The following XCR1 variants were observed in gnomAD, a reference collection of about 807,000 sequenced individuals.
XCR1 encodes chemokine XC receptor 1.
For missense variants in XCR1, 356 were observed against 424.2 expected (o/e 0.84, Z 1.41); for synonymous variants, 187 against 188.5 (o/e 0.99, Z 0.06).
At chr3:46,066,405 C>T (rs1435108247) in intron 4 of XCR1, among the ~76,000 whole-genome samples, 9 of 152,152 alleles carry the variant, frequency 5.9e-5, no homozygotes, top group African/African-American at 1.9e-4. Context: ...CCACCACGCC[C>T]GGCTAATTTT....
intron 5 of XCR1, among the ~76,000 whole-genome samples, chr3:46,039,035 T>C (rs758930283): frequency 6.6e-6 from 1 of 152,198 alleles, no homozygotes; most frequent in Non-Finnish European, 1.5e-5. Context: ...CATTTATCAC[T>C]GATGGGTCCT....
chr3:46,070,335 T>C (rs1698144624), intron 3 of XCR1, among the ~76,000 whole-genome samples: 1 of 152,138 alleles, frequency 6.6e-6, no homozygotes, highest in Admixed American at 6.5e-5. Context: ...AATGTTTCTT[T>C]GTTAATTTTC....
At chr3:46,068,627 T>A (rs1698115448) in intron 3 of XCR1, among the ~76,000 whole-genome samples, 1 of 152,186 alleles carries the variant, frequency 6.6e-6, no homozygotes, top group African/African-American at 2.4e-5. Context: ...TTGGCCTGAT[T>A]CTTTTAAAGA....
chr3:46,085,253 A>C (rs944932867), intron 1 of XCR1, among the ~76,000 whole-genome samples: 12 of 151,670 alleles, frequency 7.9e-5, no homozygotes, highest in South Asian at 2.1e-4. Context: ...AACACAACTC[A>C]TCACACCGCG....
chr3:46,079,474 A>G (rs1241445316), intron 1 of XCR1, among the ~76,000 whole-genome samples: 1 of 152,134 alleles, frequency 6.6e-6, no homozygotes, highest in East Asian at 1.9e-4. Context: ...CTGAATTTAA[A>G]AAGACTTTGA....
upstream of XCR1, among the ~76,000 whole-genome samples, chr3:46,031,061 A>C (rs1205883391): frequency 6.6e-6 from 1 of 152,196 alleles, no homozygotes; most frequent in African/African-American, 2.4e-5. Context: ...CATGCTCCAC[A>C]CAGCCGGCAG....
rs557329771 is a variant in XCR1, at chr3:46,047,489, A to T, written c.-32+6431T>A. Among the ~76,000 whole-genome samples the T allele has an allele frequency of 9.8e-5, 15 of 152,378 alleles. No individual in the cohort carries two copies. In the East Asian group the frequency reaches 2.5e-3, roughly 25 times the overall value. ...GGTCCTTCTTAGCTGCCAAAAAGAC[A>T]TAAGGATTAAAAACACAAACTGTAA... On this transcript the variant is annotated intron_variant, in intron 5 of 5. Transcript: ENST00000683768.
At chr3:46,065,108 AAAAAAAAAGG>A (rs1698042175) in intron 4 of XCR1, among the ~76,000 whole-genome samples, 6 of 151,394 alleles carry the variant, frequency 4.0e-5, no homozygotes. Flanking sequence ...ATAAAGAAAT[AAAAAAAAAGG>A]AAAAAAAAAT....
At chr3:46,037,251 A>T (rs545306598) in intron 5 of XCR1, among the ~76,000 whole-genome samples, 22 of 152,260 alleles carry the variant, frequency 1.4e-4, no homozygotes, top group Non-Finnish European at 2.8e-4. Flanking sequence ...CTAATTCAGG[A>T]GTTATCTGAA....
intron 3 of XCR1, among the ~76,000 whole-genome samples, chr3:46,068,815 T>C (rs1698119472): frequency 6.6e-6 from 1 of 152,090 alleles, no homozygotes; most frequent in African/African-American, 2.4e-5. Flanking sequence ...TATGGTTTCT[T>C]ATATATTTTC....
chr3:46,069,524 G>C (rs1238646052), intron 3 of XCR1, among the ~76,000 whole-genome samples: 4 of 152,044 alleles, frequency 2.6e-5, no homozygotes, highest in Non-Finnish European at 4.4e-5. Flanking sequence ...TTGAAAATCT[G>C]CATATAACAT....
chr3:46,060,780 C>A (rs1231887258), intron 4 of XCR1, among the ~76,000 whole-genome samples: 2 of 152,200 alleles, frequency 1.3e-5, no homozygotes, highest in Non-Finnish European at 1.5e-5. Flanking sequence ...TGCTGATTTA[C>A]AGCACACACA....
intron 2 of XCR1, among the ~76,000 whole-genome samples, chr3:46,075,195 T>G (rs978019108): frequency 6.7e-6 from 1 of 148,990 alleles, no homozygotes. Context: ...AACCCAGAAG[T>G]AGCCCCACAC....
At chr3:46,084,005 C>G (rs13077099) in intron 1 of XCR1, among the ~76,000 whole-genome samples, 51,533 of 152,126 alleles carry the variant, frequency 0.34, 10,743 homozygotes, top group East Asian at 0.67. Context: ...CCAATTAATG[C>G]TAGATATCTT....
At chr3:46,030,458 T>C (rs1708375200), upstream of XCR1, among the ~76,000 whole-genome samples, 1 of 152,238 alleles carries the variant, frequency 6.6e-6, no homozygotes, top group South Asian at 2.1e-4. Flanking sequence ...TTCCTTCACC[T>C]ATTGAAGGAC....
At chr3:46,057,958 G>T (rs969471493) in intron 4 of XCR1, among the ~76,000 whole-genome samples, 5 of 144,446 alleles carry the variant, frequency 3.5e-5, no homozygotes, top group African/African-American at 1.1e-4. Flanking sequence ...CTATCTATCT[G>T]CCATCTATGT....
At chr3:46,080,400 C>A (rs1698336732) in intron 1 of XCR1, among the ~76,000 whole-genome samples, 1 of 152,008 alleles carries the variant, frequency 6.6e-6, no homozygotes, top group Admixed American at 6.6e-5. Context: ...AGACTTATTA[C>A]CCATTTAAAA....
At chr3:46,052,269 G>A (rs1366500965) in intron 5 of XCR1, among the ~76,000 whole-genome samples, 2 of 152,192 alleles carry the variant, frequency 1.3e-5, no homozygotes, top group African/African-American at 2.4e-5. Context: ...CCTGGGGTGA[G>A]GGAATCAATA....
chr3:46,049,680 TTGAG>T (rs756265379), intron 5 of XCR1, among the ~76,000 whole-genome samples: 2 of 152,198 alleles, frequency 1.3e-5, no homozygotes, highest in Non-Finnish European at 2.9e-5. Flanking sequence ...TCATTATTGT[TTGAG>T]TATGTTTTGG....
Sources: gnomAD v4.1 joint callset for allele counts (sites outside exome capture counted in the v4.1 genomes callset) on GRCh38, gnomAD v4.1.1 for gene constraint, MANE v1.5 for transcripts, NCBI Gene and HGNC (gene_info 2026-07-23, HGNC 2026-07-21) for gene names.